ZMAT4: variants seen among roughly 807,000 people sequenced by gnomAD.
The protein encoded by ZMAT4 is zinc finger matrin-type 4.
Under a neutral mutation model 28.7 loss-of-function variants are expected in ZMAT4, and 17 were observed. The ratio of observed to expected loss-of-function variants is 0.59; its 90% confidence interval spans 0.41 to 0.89. The LOEUF is 0.89. ZMAT4 is among the 40% of genes least tolerant of loss of function. ZMAT4 has a pLI of 0.00. For synonymous variants in ZMAT4, 117 were observed against 109.2 expected, an observed-to-expected ratio of 1.07 and a Z score of -0.44; for missense variants, 240 against 283.8, an observed-to-expected ratio of 0.85 and a Z score of 1.11.
chr8:40,733,904 C>T (rs117948433), intron 3 of ZMAT4, among the ~76,000 whole-genome samples: 2 of 152,074 alleles, frequency 1.3e-5, no homozygotes, highest in Non-Finnish European at 2.9e-5. Context: ...GTGCTGACAC[C>T]TTGGAGGTAG....
intron 1 of ZMAT4, among the ~76,000 whole-genome samples, chr8:40,875,528 C>T (rs1162648641): frequency 1.3e-5 from 2 of 152,112 alleles, no homozygotes; most frequent in African/African-American, 4.8e-5. Flanking sequence ...ACAAAAATAC[C>T]AGTTATTGCC....
chr8:40,627,917 T>G (rs1585779973), intron 5 of ZMAT4, among the ~76,000 whole-genome samples: 1 of 152,154 alleles, frequency 6.6e-6, no homozygotes, highest in Admixed American at 6.5e-5. Flanking sequence ...AAGATCATGA[T>G]TTTGTCTCTG....
At chr8:40,768,680 A>G (rs1224621683) in intron 2 of ZMAT4, among the ~76,000 whole-genome samples, 2 of 150,502 alleles carry the variant, frequency 1.3e-5, no homozygotes, top group Non-Finnish European at 3.0e-5. Context: ...AATGAATACC[A>G]CAACATTTGC....
chr8:40,878,670 C>T (rs1205697992), intron 1 of ZMAT4, among the ~76,000 whole-genome samples: 1 of 152,214 alleles, frequency 6.6e-6, no homozygotes, highest in East Asian at 1.9e-4. Flanking sequence ...TCCCCTGGTG[C>T]ACTCAATGTA....
At chr8:40,640,681 C>T (rs1262730593) in intron 5 of ZMAT4, among the ~76,000 whole-genome samples, 2 of 151,818 alleles carry the variant, frequency 1.3e-5, no homozygotes, top group Non-Finnish European at 2.9e-5. Flanking sequence ...AGTATAGAGG[C>T]CAGGCATGGT....
chr8:40,758,279 T>C (rs1048317036), intron 3 of ZMAT4, among the ~76,000 whole-genome samples: 8 of 152,182 alleles, frequency 5.3e-5, no homozygotes, highest in African/African-American at 1.9e-4. Context: ...TTCATTGTAT[T>C]CCCTTTCTCT....
At chr8:40,552,705 A>G (rs1317563546) in intron 6 of ZMAT4, among the ~76,000 whole-genome samples, 2 of 152,182 alleles carry the variant, frequency 1.3e-5, no homozygotes, top group African/African-American at 4.8e-5. Flanking sequence ...TAAGTGTGTC[A>G]TCAGCACAGG....
rs1028332892 is a variant in ZMAT4, at chr8:40,850,557, T to C, written c.-4-24877A>G. ...TGGGGTAGAGATCTCTTCTATCTTATGGATAGCTGTATCCCCACTGACAGG... is the reference window on the plus strand; with the variant it reads ...TGGGGTAGAGATCTCTTCTATCTTACGGATAGCTGTATCCCCACTGACAGG... On this transcript the variant is annotated intron_variant, in intron 1 of 6. Transcript: ENST00000297737. 2.6e-5 allele frequency among the ~76,000 whole-genome samples: 4 copies of C among 152,356 alleles called. No homozygotes were observed. The South Asian group carries it at 8.3e-4, about 32-fold the overall frequency.
At chr8:40,761,050 G>A (rs1408499945) in intron 3 of ZMAT4, among the ~76,000 whole-genome samples, 6 of 151,936 alleles carry the variant, frequency 3.9e-5, no homozygotes, top group Admixed American at 3.9e-4. Context: ...AAAGGTGAGG[G>A]TGGGCTGGGG....
intron 1 of ZMAT4, among the ~76,000 whole-genome samples, chr8:40,879,446 C>T (rs925605728): frequency 6.6e-6 from 1 of 152,120 alleles, no homozygotes; most frequent in African/African-American, 2.4e-5. Context: ...ATGAAATAAA[C>T]GTTTGTTTCC....
chr8:40,767,839 A>T, intron 2 of ZMAT4, 109 bp from the exon 3 acceptor site: 1 of 838,630 alleles, frequency 1.2e-6, no homozygotes, highest in Non-Finnish European at 1.8e-6. Context: ...TCAGTAGAAG[A>T]CACTTCTGCA....
chr8:40,880,682 G>A, intron 1 of ZMAT4, among the ~76,000 whole-genome samples: 1 of 152,086 alleles, frequency 6.6e-6, no homozygotes, highest in African/African-American at 2.4e-5. Context: ...CTTGCAGAAG[G>A]CCAAACCTCT....
chr8:40,674,908 G>C lies in ZMAT4; in HGVS notation c.373C>G (p.Pro125Ala), dbSNP rs1808847706. Residue 125 changes from proline (P) to alanine (A), a missense_variant, in exon 5 of 7, where the codon CCC (proline) becomes GCC (alanine). By Grantham distance (27) the Pro-to-Ala change is conservative. Transcript: ENST00000297737. ...TTATPLSPLKPPRMDTAPVVA... is the reference protein window; with the variant it reads ...TTATPLSPLKAPRMDTAPVVA... ...ACCGGAGCAGTGTCCATCCGTGGGG[G>C]CTTAAGTGGGCTCAGGGGTGTTGCT... 1 of 1,612,958 alleles carries C rather than the reference G, an allele frequency of 6.2e-7. No homozygotes were observed. Among genetic ancestry groups the C allele is most frequent in the Non-Finnish European group, 8.5e-7 (1 of 1,179,796 alleles).
intron 1 of ZMAT4, among the ~76,000 whole-genome samples, chr8:40,838,054 C>T (rs150530498): frequency 1.8e-4 from 28 of 152,338 alleles, no homozygotes; most frequent in African/African-American, 6.3e-4. Context: ...ACATCGAAGT[C>T]GCAGGGTCTT....
chr8:40,727,204 G>A (rs1312248526), intron 3 of ZMAT4, among the ~76,000 whole-genome samples: 1 of 152,144 alleles, frequency 6.6e-6, no homozygotes, highest in Non-Finnish European at 1.5e-5. Flanking sequence ...CCTGGTTTGT[G>A]CTTCTGCCTA....
intron 5 of ZMAT4, among the ~76,000 whole-genome samples, chr8:40,587,192 T>G (rs556559092): frequency 1.3e-5 from 2 of 150,988 alleles, no homozygotes; most frequent in Non-Finnish European, 2.9e-5. Flanking sequence ...TCTGTCAAAA[T>G]TGAAGGTAGG....
intron 5 of ZMAT4, among the ~76,000 whole-genome samples, chr8:40,669,391 CA>C (rs1215221640): frequency 6.6e-6 from 1 of 151,774 alleles, no homozygotes; most frequent in Non-Finnish European, 1.5e-5. Context: ...AATAAAAAAG[CA>C]AAAAAGTCAA....
chr8:40,755,997 T>C (rs73613428), intron 3 of ZMAT4, among the ~76,000 whole-genome samples: 3,931 of 152,156 alleles, frequency 0.026, 189 homozygotes, highest in East Asian at 0.18. Context: ...AGGCCTGTCC[T>C]AACTGGACTA....
chr8:40,610,762 T>C (rs1442854614), intron 5 of ZMAT4, among the ~76,000 whole-genome samples: 3 of 152,026 alleles, frequency 2.0e-5, no homozygotes, highest in Non-Finnish European at 4.4e-5. Context: ...CCTCATGCCC[T>C]CTTGATTCTT....
Sources: allele counts gnomAD v4.1 joint callset (sites outside exome capture counted in the v4.1 genomes callset), GRCh38; gene constraint gnomAD v4.1.1; transcripts MANE v1.5; gene names NCBI Gene and HGNC (gene_info 2026-07-23, HGNC 2026-07-21).